SMS: variants seen among roughly 807,000 people sequenced by gnomAD.
The protein encoded by SMS is spermidine aminopropyltransferase.
SMS carries 3 observed loss-of-function variants against 33.0 expected under a neutral mutation model. The ratio of observed to expected loss-of-function variants is 0.09; its 90% CI spans 0.04 to 0.23. The LOEUF (loss-of-function observed/expected upper bound fraction) is 0.23, where lower values mean the gene tolerates loss of function less well. Ranked by LOEUF, SMS falls within the 10% of genes least tolerant of loss-of-function variation. The pLI, the probability that SMS is intolerant of heterozygous loss-of-function variation, is 1.00. For missense variants in SMS, 117 were observed against 288.6 expected, an observed-to-expected ratio of 0.41 and a Z score of 4.31; for synonymous variants, 103 against 112.2, an observed-to-expected ratio of 0.92 and a Z score of 0.52.
chrX:21,950,996 T>A (rs987801373), intron 1 of SMS, among the ~76,000 whole-genome samples: 1 of 112,178 alleles, frequency 8.9e-6, no homozygotes, highest in Non-Finnish European at 1.9e-5. Flanking sequence ...GTTTTTCCGG[T>A]TCTAGATCCT....
At chrX:21,982,501 G>A (rs192280455) in intron 7 of SMS, among the ~76,000 whole-genome samples, 37 of 112,002 alleles carry the variant, frequency 3.3e-4, no homozygotes, top group Non-Finnish European at 6.4e-4. Flanking sequence ...ATTGCTGGTT[G>A]GCGTGTGAAT....
intron 1 of SMS, among the ~76,000 whole-genome samples, chrX:21,957,821 T>C: frequency 8.9e-6 from 1 of 112,130 alleles, no homozygotes; most frequent in Non-Finnish European, 1.9e-5. Context: ...AGGAGTAAGG[T>C]GGTATCTGAT....
Position 21,988,706 on chromosome X carries a change from G to A in SMS, c.945+3483G>A, listed in dbSNP as rs749027426. Reference sequence around the variant, plus strand: ...AAAAAAAAAAAAGGAGTCAGGTTAAGGGTGGGATGAAAATGTTGTGTTTTA... The same window carrying A: ...AAAAAAAAAAAAGGAGTCAGGTTAAAGGTGGGATGAAAATGTTGTGTTTTA... On this transcript the variant is annotated intron_variant, in intron 9 of 10. Coordinates refer to ENST00000404933, the MANE Select transcript of SMS (RefSeq NM_004595.5). Among the ~76,000 whole-genome samples, 4 of 99,004 alleles carry A rather than the reference G, an allele frequency of 4.0e-5. No homozygotes were observed. The East Asian group carries it at 1.3e-3, about 32-fold the overall frequency. 86.0% of individuals were successfully genotyped at this position (99,004 alleles called of 115,157 possible).
intron 1 of SMS, among the ~76,000 whole-genome samples, chrX:21,961,034 CTTTTTTT>C (rs773159264): frequency 4.8e-5 from 2 of 41,725 alleles, no homozygotes; most frequent in Non-Finnish European, 8.2e-5. Context: ...ATATGCATGT[CTTTTTTT>C]TTTTTTTTTT....
intron 1 of SMS, among the ~76,000 whole-genome samples, chrX:21,953,804 C>T (rs1288438658): frequency 3.6e-5 from 4 of 110,417 alleles, no homozygotes; most frequent in Non-Finnish European, 5.7e-5. Context: ...CTTTGTAAGT[C>T]TTGCTAGAGT....
intron 9 of SMS, among the ~76,000 whole-genome samples, chrX:21,991,156 C>G (rs761508253): frequency 8.9e-6 from 1 of 111,942 alleles, no homozygotes; most frequent in African/African-American, 3.3e-5. Context: ...TTATACTTGG[C>G]TATTTTGAGG....
intron 2 of SMS, among the ~76,000 whole-genome samples, chrX:21,970,273 C>T (rs1242769776): frequency 2.7e-5 from 3 of 111,214 alleles, no homozygotes; most frequent in East Asian, 2.8e-4. Flanking sequence ...CTATTCCCTG[C>T]CCCCGGACCC....
intron 1 of SMS, among the ~76,000 whole-genome samples, chrX:21,943,559 T>TC (rs1335862869): frequency 9.0e-6 from 1 of 111,068 alleles, no homozygotes. Context: ...AATATTTTAA[T>TC]TCCCAGTCTG....
chrX:21,951,615 G>A (rs778250566), intron 1 of SMS, among the ~76,000 whole-genome samples: 1 of 111,004 alleles, frequency 9.0e-6, no homozygotes, highest in Non-Finnish European at 1.9e-5. Flanking sequence ...TTAATTTTTT[G>A]TATAAGGTGT....
chrX:21,967,566 T>A (rs778525327), intron 2 of SMS, among the ~76,000 whole-genome samples: 1 of 111,642 alleles, frequency 9.0e-6, no homozygotes, highest in African/African-American at 3.3e-5. Flanking sequence ...CCAGACAAGT[T>A]TTTTGTTAAG....
At chrX:21,989,088 A>G (rs1925585767) in intron 9 of SMS, among the ~76,000 whole-genome samples, 1 of 110,769 alleles carries the variant, frequency 9.0e-6, no homozygotes, top group Non-Finnish European at 1.9e-5. Context: ...TACATGTATG[A>G]TTTCCTAAAT....
At chrX:21,941,311 T>TG in intron 1 of SMS, 1 of 222,679 alleles carries the variant, frequency 4.5e-6, no homozygotes, top group South Asian at 4.3e-5. Flanking sequence ...GAGCCCGGGC[T>TG]GGGGGCGTGC....
At chrX:21,986,573 G>A (rs1266931503) in intron 9 of SMS, among the ~76,000 whole-genome samples, 1 of 111,774 alleles carries the variant, frequency 8.9e-6, no homozygotes, top group Non-Finnish European at 1.9e-5. Context: ...CAAGCACATT[G>A]TGCTTAATCT....
intron 2 of SMS, among the ~76,000 whole-genome samples, chrX:21,968,413 C>T (rs930724421): frequency 8.9e-6 from 1 of 112,369 alleles, no homozygotes; most frequent in African/African-American, 3.2e-5. Context: ...CCCAGTGGTT[C>T]TATGTGGCCA....
In SMS at chrX:21,940,863, C is replaced by G; in HGVS notation, c.39C>G (p.Leu13=). ...GGCACAGCACGCTCGACTTCATGCT[C>G]GGCGCCAAAGGTGAGGGCGCCCGCC... is the stretch of plus-strand genomic sequence containing the variant. ...AARHSTLDFM[L]GAKADGETIL... Residue 13 remains leucine (L), a synonymous_variant, in exon 1 of 11, where the codon CTC becomes CTG. Transcript: ENST00000404933. 2 of 1,109,391 alleles carry G rather than the reference C, an allele frequency of 1.8e-6. No homozygotes were observed. Among genetic ancestry groups the G allele is most frequent in the Non-Finnish European group, 2.4e-6 (2 of 848,542 alleles). 91.4% of individuals were successfully genotyped at this position (1,109,391 alleles called of 1,213,427 possible). A position where few individuals can be genotyped will look rare whatever the true frequency, so the allele number is the denominator to read the frequency against.
Position 21,956,763 on chromosome X carries a change from C to T in SMS, c.50-10433C>T, listed in dbSNP as rs186791147. 2.1e-4 allele frequency among the ~76,000 whole-genome samples: 23 copies of T among 111,800 alleles called. No homozygotes were observed. In the East Asian group the frequency reaches 2.8e-3, roughly 14 times the overall value. On this transcript the variant is annotated intron_variant, in intron 1 of 10. Transcript: ENST00000404933. ...GATTACAGGTGTGAGCCACCGTGCC[C>T]GGTGTATTTTTAGCAGAGACGGAGT...
At chrX:21,977,276 G>A (rs963358615) in intron 5 of SMS, 40 bp downstream of exon 5, 42 of 1,095,409 alleles carry the variant, frequency 3.8e-5, no homozygotes, top group South Asian at 2.0e-4. Flanking sequence ...TAACAAAGTG[G>A]TGATGTGTTG....
chrX:21,977,214 T>G lies in SMS; in HGVS notation c.483T>G (p.Ile161Met). ...KILHSKQFGN[I>M]LILSGDVNLA... Reference sequence around the variant, plus strand: ...TACACTCGAAGCAGTTTGGAAATATTCTCATCCTTAGTGGGGATGTTAGTA... The same window carrying G: ...TACACTCGAAGCAGTTTGGAAATATGCTCATCCTTAGTGGGGATGTTAGTA... Residue 161 changes from isoleucine to methionine, a missense_variant, in exon 5 of 11, where the codon ATT becomes ATG. Physicochemically the swap from Ile to Met is conservative, Grantham distance 10. This residue lies in a region of SMS where 69 missense variants were observed against 203.8 expected (regional missense o/e 0.34). Coordinates refer to ENST00000404933, the MANE Select transcript of SMS (RefSeq NM_004595.5). 1 of 1,207,894 alleles carries G rather than the reference T, an allele frequency of 8.3e-7. No homozygotes were observed. The highest frequency in any genetic ancestry group is 1.1e-6 in the Non-Finnish European group (1 of 891,795).
chrX:21,967,846 C>T (rs732946), intron 2 of SMS, among the ~76,000 whole-genome samples: 18,251 of 111,970 alleles, frequency 0.16, 2,391 homozygotes, highest in African/African-American at 0.45. Flanking sequence ...TCACTGGGCT[C>T]CTGCAAGCGG....
Sources: gnomAD v4.1 joint callset for allele counts (sites outside exome capture counted in the v4.1 genomes callset) on GRCh38, gnomAD v4.1.1 for gene constraint, gnomAD v4.1.1 regional missense constraint, MANE v1.5 for transcripts, NCBI Gene and HGNC (gene_info 2026-07-23, HGNC 2026-07-21) for gene names.